The following DSC2 variants were observed in gnomAD, a reference collection of about 807,000 sequenced individuals.
The protein encoded by DSC2 is desmocollin-2.
DSC2 carries 51 observed loss-of-function variants against 87.6 expected under a neutral mutation model. The ratio of observed to expected loss-of-function variants is 0.58; its 90% CI spans 0.46 to 0.74. DSC2 has a LOEUF of 0.74. Ranked by LOEUF, DSC2 falls within the 30% of genes least tolerant of loss-of-function variation. The probability of loss-of-function intolerance (pLI) is 0.00; values close to 1 mark genes in which losing one functional copy is unlikely to be tolerated. For synonymous variants in DSC2, 383 were observed against 393.2 expected (o/e 0.97, Z 0.31); for missense variants, 1,066 against 1,089.5 (o/e 0.98, Z 0.30).
At chr18:31,091,323 T>A (rs1456188204) in intron 3 of DSC2, among the ~76,000 whole-genome samples, 176 bp from the exon 4 acceptor site, 1 of 152,156 alleles carries the variant, frequency 6.6e-6, no homozygotes. Flanking sequence ...AAGAAGTAAC[T>A]GTCCTAACTG....
intron 1 of DSC2, among the ~76,000 whole-genome samples, chr18:31,098,684 A>C (rs1161704456): frequency 6.6e-6 from 1 of 151,628 alleles, no homozygotes; most frequent in Non-Finnish European, 1.5e-5. Flanking sequence ...TGAACTCCTG[A>C]GCTCAAGTGA....
intron 11 of DSC2, among the ~76,000 whole-genome samples, chr18:31,076,285 G>A (rs1486745766): frequency 6.6e-6 from 1 of 152,094 alleles, no homozygotes; most frequent in East Asian, 1.9e-4. Context: ...GTTAAGAACT[G>A]GTTCTAAACC....
chr18:31,090,869 A>C (rs1268050435), intron 4 of DSC2, among the ~76,000 whole-genome samples, 159 bp downstream of exon 4: 2 of 152,352 alleles, frequency 1.3e-5, no homozygotes, highest in East Asian at 3.9e-4. Context: ...ATGCAAGTAT[A>C]AAGAGATATA....
rs779243756 is a variant in DSC2, at chr18:31,071,609, G to T, written c.2121C>A (p.Leu707=). Reference sequence around the variant, plus strand: ...AAGAAAGGACTTAAGACTTACAAAAGAGCAATGCTATGCCCAACAATATTG... The same window carrying T: ...AAGAAAGGACTTAAGACTTACAAAATAGCAATGCTATGCCCAACAATATTG... ...ILAILLGIAL[L]FCILFTLVCG... The change falls in exon 13 of 16, where the codon CTC becomes CTA. Residue 707 remains leucine, a synonymous_variant. Coordinates refer to ENST00000280904, the MANE Select transcript of DSC2 (RefSeq NM_024422.6). 1 of 1,612,890 alleles carries T rather than the reference G, an allele frequency of 6.2e-7. No homozygotes were observed. The highest frequency in any genetic ancestry group is 8.5e-7 in the Non-Finnish European group (1 of 1,178,942).
chr18:31,075,866 A>G (rs1986998660), intron 11 of DSC2, among the ~76,000 whole-genome samples: 1 of 143,396 alleles, frequency 7.0e-6, no homozygotes, highest in Admixed American at 6.8e-5. Context: ...GAAAAAAAGA[A>G]AGAAAAGAAA....
Position 31,093,661 on chromosome 18 carries a change from A to T in DSC2, c.70-18T>A, listed in dbSNP as rs757641297. 1 of 1,530,510 alleles carries T rather than the reference A, an allele frequency of 6.5e-7. No individual in the cohort carries two copies. The highest frequency in any genetic ancestry group is 1.2e-5 in the South Asian group (1 of 84,656). 94.8% of individuals were successfully genotyped at this position (1,530,510 alleles called of 1,614,324 possible). On this transcript the variant is annotated intron_variant, in intron 1 of 15. Coordinates refer to ENST00000280904, the MANE Select transcript of DSC2 (RefSeq NM_024422.6). Reference sequence around the variant, plus strand: ...ATTAAGATCTAAAAAATGAAAAAAAATCAAATAAATATTATGCATAAAAAG... The same window carrying T: ...ATTAAGATCTAAAAAATGAAAAAAATTCAAATAAATATTATGCATAAAAAG...
chr18:31,085,959 A>C (rs2144828721), intron 7 of DSC2, among the ~76,000 whole-genome samples: 1 of 152,210 alleles, frequency 6.6e-6, no homozygotes, highest in African/African-American at 2.4e-5. Context: ...TGCTTTAGGA[A>C]GTGATGTGAT....
intron 3 of DSC2, chr18:31,091,702 C>A: frequency 2.4e-6 from 1 of 414,890 alleles, no homozygotes; most frequent in Non-Finnish European, 4.8e-6. Context: ...CAAACCTCCT[C>A]CTAAAATAGT....
intron 7 of DSC2, among the ~76,000 whole-genome samples, chr18:31,085,241 T>C (rs1205644953): frequency 6.6e-6 from 1 of 152,040 alleles, no homozygotes; most frequent in Non-Finnish European, 1.5e-5. Flanking sequence ...TAAAACTACA[T>C]ATTGTAACAG....
At position 31,068,007 on chromosome 18, in the gene DSC2, G is replaced by A. The variant is rs779593938; in HGVS notation, c.*8C>T. On this transcript the variant is annotated 3_prime_UTR_variant, in exon 16 of 16. Coordinates refer to ENST00000280904, the MANE Select transcript of DSC2 (RefSeq NM_024422.6). ...GCCACTGGCTTTCAGAGACTTATTA[G>A]AACACACTCATCTCTTCATGCATGC... 1 of 1,613,262 alleles carries A rather than the reference G, an allele frequency of 6.2e-7. No individual in the cohort carries two copies. Among genetic ancestry groups the A allele is most frequent in the South Asian group, 1.1e-5 (1 of 91,028 alleles).
At chr18:31,092,641 TAC>T (rs1987640114) in intron 2 of DSC2, among the ~76,000 whole-genome samples, 1 of 152,170 alleles carries the variant, frequency 6.6e-6, no homozygotes, top group African/African-American at 2.4e-5. Context: ...CCTGAAGTTA[TAC>T]AGAATCTAGC....
chr18:31,080,129 T>C lies in DSC2; in HGVS notation c.1487A>G (p.Tyr496Cys). Residue 496 changes from tyrosine to cysteine, a missense_variant, in exon 10 of 16, where the codon TAT becomes TGT. By Grantham distance (194) the Tyr-to-Cys change is radical. Coordinates refer to ENST00000280904, the MANE Select transcript of DSC2 (RefSeq NM_024422.6). Reference protein sequence around the residue: ...VGTTSNGYKAYDPETRSSSGI... With the variant: ...VGTTSNGYKACDPETRSSSGI... ...ACTGCTACTTCTTGTTTCTGGGTCA[T>C]ATGCTTTATATCCATTGCTTGTTGT... is the stretch of plus-strand genomic sequence containing the variant. 1 of 1,614,144 alleles carries C rather than the reference T, an allele frequency of 6.2e-7. No homozygotes were observed. Among genetic ancestry groups the C allele is most frequent in the Non-Finnish European group, 8.5e-7 (1 of 1,180,028 alleles).
chr18:31,093,663 C>A lies in DSC2; in HGVS notation c.70-20G>T, dbSNP rs374486794. 1.3e-6 allele frequency: 2 copies of A among 1,517,480 alleles called. No homozygotes were observed. The highest frequency in any genetic ancestry group is 1.2e-5 in the South Asian group (1 of 83,812). 94.0% of individuals were successfully genotyped at this position (1,517,480 alleles called of 1,614,324 possible). A position where few individuals can be genotyped will look rare whatever the true frequency, so the allele number is the denominator to read the frequency against. On this transcript the variant is annotated intron_variant, in intron 1 of 15. Coordinates refer to ENST00000280904, the MANE Select transcript of DSC2 (RefSeq NM_024422.6). ...TAAGATCTAAAAAATGAAAAAAAAT[C>A]AAATAAATATTATGCATAAAAAGAA...
intron 1 of DSC2, 77 bp downstream of exon 1, chr18:31,101,826 T>TA: frequency 2.1e-6 from 2 of 941,676 alleles, no homozygotes; most frequent in Non-Finnish European, 1.5e-6. Flanking sequence ...CCCCCACCTA[T>TA]CCCCGTTCCC....
Position 31,058,922 on chromosome 18 carries a change from C to T in DSC2, c.*9093G>A, listed in dbSNP as rs1986448510. The T allele has an allele frequency of 6.6e-6, 1 of 152,112 alleles. No individual in the cohort carries two copies. Among genetic ancestry groups the T allele is most frequent in the Non-Finnish European group, 1.5e-5 (1 of 68,024 alleles). 9.4% of individuals were successfully genotyped at this position (152,112 alleles called of 1,614,324 possible). A position where few individuals can be genotyped will look rare whatever the true frequency, so the allele number is the denominator to read the frequency against. ...ACTACATATTTTTGAGAGCAGAGGC[C>T]ATATCTTACATACAGTAGATACCAA... On this transcript the variant is annotated 3_prime_UTR_variant, in exon 16 of 16. Coordinates refer to ENST00000280904, the MANE Select transcript of DSC2 (RefSeq NM_024422.6).
chr18:31,093,910 A>C (rs1281703055), intron 1 of DSC2, among the ~76,000 whole-genome samples: 1 of 151,354 alleles, frequency 6.6e-6, no homozygotes, highest in African/African-American at 2.4e-5. Flanking sequence ...TGGAGATAAA[A>C]TAAAAACATA....
rs1986508547 is a variant in DSC2 at position 31,061,856 on chromosome 18, T to G, written c.*6159A>C. 6.6e-6 allele frequency: 1 copy of G among 152,114 alleles called. No homozygotes were observed. Among genetic ancestry groups the G allele is most frequent in the Non-Finnish European group, 1.5e-5 (1 of 68,022 alleles). 9.4% of individuals were successfully genotyped at this position (152,114 alleles called of 1,614,324 possible). On this transcript the variant is annotated 3_prime_UTR_variant, in exon 16 of 16. Coordinates refer to ENST00000280904, the MANE Select transcript of DSC2 (RefSeq NM_024422.6). Reference sequence around the variant, plus strand: ...AGAGAAGAGCTTCTTGGAAGAAAGATCAGATCCTACTTCTCAAGATTTCAG... The same window carrying G: ...AGAGAAGAGCTTCTTGGAAGAAAGAGCAGATCCTACTTCTCAAGATTTCAG...
At chr18:31,096,386 T>A (rs1987761349) in intron 1 of DSC2, among the ~76,000 whole-genome samples, 1 of 152,200 alleles carries the variant, frequency 6.6e-6, no homozygotes, top group Non-Finnish European at 1.5e-5. Context: ...TTGACTCTGC[T>A]TTGCTGGCCT....
At position 31,062,728 on chromosome 18, in the gene DSC2, T is replaced by A. The variant is rs1986525211; in HGVS notation, c.*5287A>T. The A allele has an allele frequency of 6.6e-6, 1 of 152,170 alleles. No individual in the cohort carries two copies. Among genetic ancestry groups the A allele is most frequent in the African/African-American group, 2.4e-5 (1 of 41,452 alleles). The allele number at this position is 152,170 out of a possible 1,614,324, so 9.4% of individuals were successfully genotyped here. On this transcript the variant is annotated 3_prime_UTR_variant, in exon 16 of 16. Coordinates refer to ENST00000280904, the MANE Select transcript of DSC2 (RefSeq NM_024422.6). ...AGTAGGTTCGTGCAATTATTGGTGGTAGGATTTGAGCTGGCCTGAACCACA... is the reference window on the plus strand; with the variant it reads ...AGTAGGTTCGTGCAATTATTGGTGGAAGGATTTGAGCTGGCCTGAACCACA...
Sources: allele counts gnomAD v4.1 joint callset (sites outside exome capture counted in the v4.1 genomes callset), GRCh38; gene constraint gnomAD v4.1.1; transcripts MANE v1.5; gene names NCBI Gene and HGNC (gene_info 2026-07-23, HGNC 2026-07-21).